KCNAB1: variants seen among roughly 807,000 people sequenced by gnomAD.
The protein encoded by KCNAB1 is potassium voltage-gated channel subfamily A regulatory beta subunit 1.
Under a neutral mutation model 64.6 loss-of-function variants are expected in KCNAB1, and 35 were observed. The ratio of observed to expected loss-of-function variants is 0.54; its 90% CI spans 0.41 to 0.72. KCNAB1 has a LOEUF of 0.72. Ranked by LOEUF, KCNAB1 falls within the 30% of genes least tolerant of loss-of-function variation. The pLI is 0.00. For missense variants in KCNAB1, 401 were observed against 512.9 expected, an observed-to-expected ratio of 0.78 and a Z score of 2.11; for synonymous variants, 177 against 183.8, an observed-to-expected ratio of 0.96 and a Z score of 0.30.
chr3:156,121,521 C>T (rs912788597), intron 1 of KCNAB1, among the ~76,000 whole-genome samples: 2 of 152,128 alleles, frequency 1.3e-5, no homozygotes, highest in Admixed American at 6.5e-5. Flanking sequence ...TCAAATAAAG[C>T]AGAGGAAGGA....
intron 1 of KCNAB1, among the ~76,000 whole-genome samples, chr3:156,313,317 T>C (rs1261144250): frequency 6.6e-6 from 1 of 152,198 alleles, no homozygotes; most frequent in African/African-American, 2.4e-5. Context: ...GTAGGTTGAA[T>C]AATGATCTCC....
chr3:156,276,650 G>T (rs920130178), intron 1 of KCNAB1, among the ~76,000 whole-genome samples: 1 of 152,082 alleles, frequency 6.6e-6, no homozygotes, highest in Non-Finnish European at 1.5e-5. Flanking sequence ...TTTATGTTAT[G>T]GAGATGGCTT....
At chr3:156,426,380 T>C (rs1715817440) in intron 2 of KCNAB1, among the ~76,000 whole-genome samples, 1 of 152,184 alleles carries the variant, frequency 6.6e-6, no homozygotes, top group African/African-American at 2.4e-5. Context: ...GGAGTTCCCA[T>C]ACACCCCTAT....
At chr3:156,384,633 G>A (rs554524155) in intron 1 of KCNAB1, among the ~76,000 whole-genome samples, 19 of 152,356 alleles carry the variant, frequency 1.2e-4, no homozygotes, top group Admixed American at 3.3e-4. Context: ...GGCAGGGATG[G>A]TTCATGTGGT....
intron 1 of KCNAB1, among the ~76,000 whole-genome samples, chr3:156,262,148 ACAGTTTTACTTCT>A (rs1048518888): frequency 6.6e-6 from 1 of 151,978 alleles, no homozygotes; most frequent in Non-Finnish European, 1.5e-5. Flanking sequence ...ATGAATAAAA[ACAGTTTTACTTCT>A]CCCTTTCAAG....
At chr3:156,510,628 T>C (rs192059138) in intron 8 of KCNAB1, among the ~76,000 whole-genome samples, 58 of 152,336 alleles carry the variant, frequency 3.8e-4, no homozygotes, top group Non-Finnish European at 6.6e-4. Flanking sequence ...CATTCTTCCA[T>C]TGAGTGGCTT....
At chr3:156,239,177 CTT>C (rs1463283254) in intron 1 of KCNAB1, among the ~76,000 whole-genome samples, 3 of 152,204 alleles carry the variant, frequency 2.0e-5, no homozygotes, top group Non-Finnish European at 4.4e-5. Context: ...TTCTGACAAA[CTT>C]TTGATAGAAT....
chr3:156,212,814 G>A (rs1425484047), intron 1 of KCNAB1, among the ~76,000 whole-genome samples: 1 of 152,170 alleles, frequency 6.6e-6, no homozygotes, highest in Non-Finnish European at 1.5e-5. Flanking sequence ...CACATGGAAA[G>A]GGCAAGAGGG....
chr3:156,257,499 C>G (rs1172782118), intron 1 of KCNAB1, among the ~76,000 whole-genome samples: 1 of 152,144 alleles, frequency 6.6e-6, no homozygotes, highest in East Asian at 1.9e-4. Flanking sequence ...TTTGCCTGTT[C>G]TATGTCCAGA....
At chr3:156,198,616 C>CTTT (rs59410120) in intron 1 of KCNAB1, among the ~76,000 whole-genome samples, 2 of 118,526 alleles carry the variant, frequency 1.7e-5, no homozygotes, top group African/African-American at 3.3e-5. Context: ...GCAAACCCTG[C>CTTT]TTTTTTTTTT....
At chr3:156,492,019 G>C (rs1162435558) in intron 8 of KCNAB1, among the ~76,000 whole-genome samples, 1 of 152,026 alleles carries the variant, frequency 6.6e-6, no homozygotes, top group Non-Finnish European at 1.5e-5. Context: ...TAAGTCTTTT[G>C]TTTCAGGTCT....
intron 1 of KCNAB1, among the ~76,000 whole-genome samples, chr3:156,363,640 T>G (rs565584771): frequency 1.3e-5 from 2 of 152,272 alleles, no homozygotes; most frequent in East Asian, 3.9e-4. Flanking sequence ...CACACCCGGC[T>G]AATTTTTGTA....
chr3:156,465,776 A>T, intron 7 of KCNAB1, 90 bp downstream of exon 7: 1 of 1,062,242 alleles, frequency 9.4e-7, no homozygotes, highest in Non-Finnish European at 1.5e-6. Flanking sequence ...ACACTGGAAG[A>T]GGAAAAAGTT....
chr3:156,372,128 A>G (rs1181395968), intron 1 of KCNAB1, among the ~76,000 whole-genome samples: 1 of 152,328 alleles, frequency 6.6e-6, no homozygotes, highest in East Asian at 1.9e-4. Context: ...ATTAAATAAT[A>G]CAATGTGAAA....
intron 1 of KCNAB1, among the ~76,000 whole-genome samples, chr3:156,390,399 A>G (rs1465303204): frequency 6.6e-6 from 1 of 152,218 alleles, no homozygotes; most frequent in Non-Finnish European, 1.5e-5. Context: ...ACTTTTTCAG[A>G]TCAACATGTC....
intron 1 of KCNAB1, among the ~76,000 whole-genome samples, chr3:156,186,940 C>A (rs1423297071): frequency 2.6e-5 from 4 of 151,762 alleles, no homozygotes; most frequent in African/African-American, 9.7e-5. Flanking sequence ...TAGCCTCTAC[C>A]TCCCGGGCTC....
intron 1 of KCNAB1, among the ~76,000 whole-genome samples, chr3:156,274,077 A>G (rs1719192985): frequency 6.6e-6 from 1 of 152,208 alleles, no homozygotes; most frequent in Admixed American, 6.5e-5. Flanking sequence ...GATGACAAAT[A>G]TTAATAGCTG....
intron 2 of KCNAB1, among the ~76,000 whole-genome samples, chr3:156,435,021 T>C (rs1716490574): frequency 6.6e-6 from 1 of 152,164 alleles, no homozygotes; most frequent in African/African-American, 2.4e-5. Flanking sequence ...TATAATCAAG[T>C]CAGTGCTAGT....
intron 1 of KCNAB1, among the ~76,000 whole-genome samples, chr3:156,349,746 G>C (rs1724732411): frequency 6.6e-6 from 1 of 152,052 alleles, no homozygotes; most frequent in Non-Finnish European, 1.5e-5. Context: ...GTATTTTTTT[G>C]TAAAGATGGG....
Sources: gnomAD v4.1 joint callset for allele counts (sites outside exome capture counted in the v4.1 genomes callset) on GRCh38, gnomAD v4.1.1 for gene constraint, MANE v1.5 for transcripts, NCBI Gene and HGNC (gene_info 2026-07-23, HGNC 2026-07-21) for gene names.